Variants in RUSF1 observed in about 807,000 individuals in gnomAD.
RUSF1 encodes RUS family member 1.
A neutral mutation model predicts 63.0 loss-of-function variants in RUSF1; 58 were observed. The ratio of observed to expected loss-of-function variants is 0.92; its 90% CI spans 0.75 to 1.15. The LOEUF (loss-of-function observed/expected upper bound fraction) is 1.15. RUSF1 is among the 50% of genes most tolerant of loss of function. RUSF1 has a pLI of 0.00. For missense variants in RUSF1, 652 were observed against 611.0 expected (o/e 1.07, Z -0.71); for synonymous variants, 274 against 255.8 (o/e 1.07, Z -0.68).
rs1383040628 is a variant in RUSF1, at chr16:31,508,221, T to C, written c.153A>G (p.Lys51=). 5.1e-6 allele frequency: 8 copies of C among 1,564,354 alleles called. No homozygotes were observed. In the African/African-American group the frequency reaches 6.8e-5, roughly 13 times the overall value. ...CTTCGCCCGCATCTCGTCCTTCAGGTTTGACCGTGAAGGCCCTGGAGAGCC... is the reference window on the plus strand; with the variant it reads ...CTTCGCCCGCATCTCGTCCTTCAGGCTTGACCGTGAAGGCCCTGGAGAGCC... ...WWGLSRAFTV[K]PEGRDAGEVG... Residue 51 remains lysine (K), a synonymous_variant, in exon 1 of 13, where the codon AAA becomes AAG. Transcript: ENST00000327237.
intron 6 of RUSF1, among the ~76,000 whole-genome samples, chr16:31,494,952 G>A (rs530035728): frequency 6.6e-6 from 1 of 152,296 alleles, no homozygotes; most frequent in South Asian, 2.1e-4. Flanking sequence ...GGGATAACAG[G>A]CATGAGCTGG....
At position 31,493,780 on chromosome 16, in the gene RUSF1, GGCTGAA is replaced by G; in HGVS notation, c.775_780del (p.Phe259_Ser260del). ...GCAGTGAGGAAGAAGAAACATCCAA[GGCTGAA>G]GCTGGGGTGAGAGAGTGAGGTAGCT... On this transcript the variant is annotated inframe_deletion and splice_region_variant, in exon 8 of 13. Coordinates refer to ENST00000327237, the MANE Select transcript of RUSF1 (RefSeq NM_022744.4). 1.2e-6 allele frequency: 2 copies of G among 1,614,216 alleles called. No homozygotes were observed. The highest frequency in any genetic ancestry group is 1.7e-6 in the Non-Finnish European group (2 of 1,180,032).
chr16:31,493,141 G>A (rs945132550), intron 9 of RUSF1, 93 bp from the exon 10 acceptor site: 1 of 1,322,282 alleles, frequency 7.6e-7, no homozygotes, highest in African/African-American at 1.5e-5. Context: ...GAACTGAAAT[G>A]ATCCAGGCTT....
Position 31,490,634 on chromosome 16 carries a change from G to T in RUSF1, c.*201C>A. 8.5e-7 allele frequency: 1 copy of T among 1,170,248 alleles called. No homozygotes were observed. 72.5% of individuals were successfully genotyped at this position (1,170,248 alleles called of 1,614,324 possible). A position where few individuals can be genotyped will look rare whatever the true frequency, so the allele number is the denominator to read the frequency against. ...AAAAGGGGAAGGGGCAGTGGGGTGA[G>T]AAGGTCCTGGCTCCCCTTCTCCCGG... is the stretch of plus-strand genomic sequence containing the variant. On this transcript the variant is annotated 3_prime_UTR_variant, in exon 13 of 13. Transcript: ENST00000327237.
Position 31,490,300 on chromosome 16 carries a change from T to C in RUSF1, c.*535A>G, listed in dbSNP as rs371220506. The C allele has an allele frequency of 2.3e-5, 37 of 1,612,906 alleles. No homozygotes were observed. The African/African-American group carries it at 4.5e-4, about 20-fold the overall frequency. ...CGCAAACTAACTGCAGGGCCTCAAT[T>C]TCCCTCAGAGCCCCAGGCCCCGGCA... is the stretch of plus-strand genomic sequence containing the variant. On this transcript the variant is annotated 3_prime_UTR_variant, in exon 13 of 13. Transcript: ENST00000327237.
At chr16:31,507,926 G>T in intron 1 of RUSF1, 48 bp from the exon 2 acceptor site, 1 of 1,541,604 alleles carries the variant, frequency 6.5e-7, no homozygotes, top group Non-Finnish European at 8.8e-7. Context: ...GGAGCGTGGC[G>T]GTCTAAGTGC....
chr16:31,499,914 A>C (rs1299403004), intron 3 of RUSF1, among the ~76,000 whole-genome samples: 1 of 152,084 alleles, frequency 6.6e-6, no homozygotes, highest in Non-Finnish European at 1.5e-5. Context: ...TAAACATCAC[A>C]TTGAGTGTGT....
At chr16:31,500,763 G>GGAA in intron 2 of RUSF1, 32 bp from the exon 3 acceptor site, 5 of 1,605,576 alleles carry the variant, frequency 3.1e-6, no homozygotes, top group Non-Finnish European at 4.3e-6. Flanking sequence ...TAAGGAGCAA[G>GGAA]GAAGAGGTGT....
chr16:31,497,155 C>A (rs1386972653), intron 5 of RUSF1, among the ~76,000 whole-genome samples: 2 of 152,146 alleles, frequency 1.3e-5, no homozygotes, highest in South Asian at 4.1e-4. Context: ...ACCTTGGGGA[C>A]TGGCCTCACA....
In RUSF1 at chr16:31,493,651, C is replaced by T. The variant is rs140821493; in HGVS notation, c.910G>A (p.Glu304Lys). ...LVLKHYLQRGEVLDPTAANRM... is the reference protein window; with the variant it reads ...LVLKHYLQRGKVLDPTAANRM... ...TTGGCTGCAGTTGGGTCGAGTACCT[C>T]TCCCCTCTGAAGGTAGTGCTTCAGG... The change falls in exon 8 of 13, where the codon GAG becomes AAG. Residue 304 changes from glutamate (E) to lysine (K), a missense_variant. By Grantham distance (56) the Glu-to-Lys change is moderately conservative (BLOSUM62 1). Coordinates refer to ENST00000327237, the MANE Select transcript of RUSF1 (RefSeq NM_022744.4). The T allele has an allele frequency of 2.8e-5, 45 of 1,614,108 alleles. No individual in the cohort carries two copies. Among genetic ancestry groups the T allele is most frequent in the Non-Finnish European group, 3.8e-5 (45 of 1,180,044 alleles).
Position 31,489,689 on chromosome 16 carries a change from G to A in RUSF1, c.*1146C>T. 2.1e-6 allele frequency: 1 copy of A among 467,702 alleles called. No individual in the cohort carries two copies. Among genetic ancestry groups the A allele is most frequent in the Non-Finnish European group, 3.9e-6 (1 of 253,896 alleles). The allele number at this position is 467,702 out of a possible 1,614,324, so 29.0% of individuals were successfully genotyped here. On this transcript the variant is annotated 3_prime_UTR_variant, in exon 13 of 13. Coordinates refer to ENST00000327237, the MANE Select transcript of RUSF1 (RefSeq NM_022744.4). ...CCAAAGGGCAGGTGGCTCCAGGCAG[G>A]GCTGATGGTGGCAGGGTGGGGTGAG... is the stretch of plus-strand genomic sequence containing the variant.
chr16:31,497,247 G>A (rs988797141), intron 5 of RUSF1, among the ~76,000 whole-genome samples: 1 of 151,848 alleles, frequency 6.6e-6, no homozygotes, highest in Non-Finnish European at 1.5e-5. Flanking sequence ...TCCTGCTTGG[G>A]CTATACCCTC....
chr16:31,505,078 G>C (rs2082651287), intron 2 of RUSF1, among the ~76,000 whole-genome samples: 1 of 152,146 alleles, frequency 6.6e-6, no homozygotes, highest in Non-Finnish European at 1.5e-5. Flanking sequence ...CTCGTGGGAA[G>C]GAAAAGACCT....
At chr16:31,496,565 C>T (rs969408002) in intron 6 of RUSF1, among the ~76,000 whole-genome samples, 3 of 152,222 alleles carry the variant, frequency 2.0e-5, no homozygotes, top group Non-Finnish European at 2.9e-5. Context: ...ATTGCCTTGA[C>T]ATGTGGGGCC....
rs772797077 is a variant in RUSF1, at chr16:31,493,509, G to A, written c.974C>T (p.Pro325Leu). The A allele has an allele frequency of 3.7e-6, 6 of 1,613,226 alleles. No homozygotes were observed. The highest frequency in any genetic ancestry group is 3.3e-5 in the Admixed American group (2 of 59,896). Residue 325 changes from proline to leucine, a missense_variant, in exon 9 of 13, where the codon CCG becomes CTG. Physicochemically the swap from Pro to Leu is moderately conservative, Grantham distance 98. Transcript: ENST00000327237. ...EPLWTGFWPA[P>L]SLSLGVPLHR... ...TAAGGGGACCCCCAGGGATAGAGAC[G>A]GAGCTGGCCAGAAACCTGTGGGAAG...
At chr16:31,491,618 CTTT>C (rs955069758) in intron 12 of RUSF1, among the ~76,000 whole-genome samples, 6 of 122,994 alleles carry the variant, frequency 4.9e-5, no homozygotes, top group Non-Finnish European at 3.4e-5. Flanking sequence ...GCCCGACAGT[CTTT>C]TTTTTTTTTT....
chr16:31,496,914 C>A lies in RUSF1; in HGVS notation c.637G>T (p.Ala213Ser), dbSNP rs1456266880. 6.2e-7 allele frequency: 1 copy of A among 1,610,086 alleles called. No homozygotes were observed. ...CTCCGAGCCTGGTGCACGGTCAGGGCAGCCCGAGTGGCCCCACCAGCAACA... is the reference window on the plus strand; with the variant it reads ...CTCCGAGCCTGGTGCACGGTCAGGGAAGCCCGAGTGGCCCCACCAGCAACA... ...VSVAGGATRAALTVHQARRNN... is the reference protein window; with the variant it reads ...VSVAGGATRASLTVHQARRNN... Residue 213 changes from alanine (A) to serine (S), a missense_variant, in exon 6 of 13, where the codon GCC becomes TCC. Transcript: ENST00000327237.
chr16:31,496,897 C>T lies in RUSF1; in HGVS notation c.654G>A (p.Gln218=). The T allele has an allele frequency of 6.2e-7, 1 of 1,610,380 alleles. No homozygotes were observed. The highest frequency in any genetic ancestry group is 8.5e-7 in the Non-Finnish European group (1 of 1,178,696). The change falls in exon 6 of 13, where the codon CAG becomes CAA. Residue 218 remains glutamine, a synonymous_variant. Coordinates refer to ENST00000327237, the MANE Select transcript of RUSF1 (RefSeq NM_022744.4). ...CGTCAGCCATGTTGTTCCTCCGAGC[C>T]TGGTGCACGGTCAGGGCAGCCCGAG... ...GATRAALTVH[Q]ARRNNMADVS...
chr16:31,506,268 T>A (rs907560664), intron 2 of RUSF1, among the ~76,000 whole-genome samples: 19 of 152,236 alleles, frequency 1.2e-4, no homozygotes, highest in Admixed American at 6.5e-5. Context: ...AAAGTATATA[T>A]GAAACATAAA....
Sources: gnomAD v4.1 joint callset for allele counts (sites outside exome capture counted in the v4.1 genomes callset) on GRCh38, gnomAD v4.1.1 for gene constraint, MANE v1.5 for transcripts, NCBI Gene and HGNC (gene_info 2026-07-23, HGNC 2026-07-21) for gene names.